Variants in MIGA2 observed in about 807,000 individuals in gnomAD.
MIGA2 encodes the protein mitoguardin 2.
A neutral mutation model predicts 69.9 loss-of-function variants in MIGA2; 36 were observed. The observed-to-expected ratio is 0.52, with a 90% CI of 0.39 to 0.68. The LOEUF is 0.68. Among genes scored for constraint, MIGA2 ranks in the 30% least tolerant of loss-of-function variants. The probability of loss-of-function intolerance (pLI) is 0.00; values close to 1 mark genes in which losing one functional copy is unlikely to be tolerated. For synonymous variants in MIGA2, 333 were observed against 349.2 expected (o/e 0.95, Z 0.52); for missense variants, 660 against 787.7 (o/e 0.84, Z 1.94).
chr9:129,044,011 G>C (rs1007595880), intron 3 of MIGA2, among the ~76,000 whole-genome samples: 11 of 131,900 alleles, frequency 8.3e-5, no homozygotes, highest in Non-Finnish European at 1.6e-4. Context: ...TTTTTTTTTT[G>C]AGACAGAGTT....
chr9:129,044,341 TA>T (rs959508029), intron 3 of MIGA2, among the ~76,000 whole-genome samples: 175 of 143,352 alleles, frequency 1.2e-3, no homozygotes, highest in South Asian at 5.5e-3. Flanking sequence ...TAACTAGTCT[TA>T]AAAAAAAAAA....
At chr9:129,050,563 G>A (rs1295459905) in intron 6 of MIGA2, among the ~76,000 whole-genome samples, 1 of 145,354 alleles carries the variant, frequency 6.9e-6, no homozygotes, top group African/African-American at 2.5e-5. Flanking sequence ...GTGAGCCATC[G>A]TACCCAGCTG....
rs1846575029 is a variant in MIGA2, at chr9:129,069,846, C to T, written c.1459-3C>T. 6.2e-7 allele frequency: 1 copy of T among 1,611,040 alleles called. No homozygotes were observed. Among genetic ancestry groups the T allele is most frequent in the Non-Finnish European group, 8.5e-7 (1 of 1,177,622 alleles). Reference sequence around the variant, plus strand: ...TGGCCCCTCAGCCTTGTGCCCACCGCAGGTGCCTGATGGCTTCATCTCCCA... The same window carrying T: ...TGGCCCCTCAGCCTTGTGCCCACCGTAGGTGCCTGATGGCTTCATCTCCCA... On this transcript the variant is annotated splice_region_variant and splice_polypyrimidine_tract_variant and intron_variant, in intron 14 of 15. Transcript: ENST00000684074. This position sits in a 1 kb window ranked among gnomAD's most constrained non-coding sequence, Gnocchi z 4.9.
intron 11 of MIGA2, among the ~76,000 whole-genome samples, chr9:129,065,867 C>T (rs79067688): frequency 0.034 from 5,234 of 152,216 alleles, 205 homozygotes; most frequent in South Asian, 0.097. Flanking sequence ...TTGGGCTCAC[C>T]GTGGCGGTGT....
intron 6 of MIGA2, among the ~76,000 whole-genome samples, chr9:129,057,482 G>A (rs1845856948): frequency 1.3e-5 from 2 of 150,736 alleles, no homozygotes; most frequent in African/African-American, 2.4e-5. Context: ...TTTAGTAGAC[G>A]GGGTTTCACC....
chr9:129,040,306 C>T (rs1362347039), intron 1 of MIGA2, 146 bp from the exon 2 acceptor site: 2 of 399,290 alleles, frequency 5.0e-6, no homozygotes, highest in Non-Finnish European at 8.2e-6. Flanking sequence ...CGGGCAGATG[C>T]AGAGGCCTGG....
chr9:129,057,481 C>T (rs1845856782), intron 6 of MIGA2, among the ~76,000 whole-genome samples: 2 of 150,808 alleles, frequency 1.3e-5, no homozygotes, highest in African/African-American at 2.4e-5. Context: ...TTTTAGTAGA[C>T]GGGGTTTCAC....
chr9:129,047,649 G>A (rs1588378620), intron 3 of MIGA2, among the ~76,000 whole-genome samples: 2 of 152,072 alleles, frequency 1.3e-5, no homozygotes, highest in East Asian at 1.9e-4. Context: ...CTGACCTCAA[G>A]TGATCCACCC....
chr9:129,043,450 A>G (rs1385142893), intron 3 of MIGA2, among the ~76,000 whole-genome samples: 1 of 147,750 alleles, frequency 6.8e-6, no homozygotes, highest in Non-Finnish European at 1.5e-5. Context: ...GCAGTGGCAC[A>G]ATCTCGGTTC....
At chr9:129,054,467 A>G (rs1050931978) in intron 6 of MIGA2, among the ~76,000 whole-genome samples, 2 of 151,738 alleles carry the variant, frequency 1.3e-5, no homozygotes, top group Admixed American at 6.6e-5. Flanking sequence ...CAACAACAAC[A>G]AAGAAACAAC....
chr9:129,049,106 G>A (rs536340253), intron 4 of MIGA2, among the ~76,000 whole-genome samples: 1 of 152,340 alleles, frequency 6.6e-6, no homozygotes, highest in Non-Finnish European at 1.5e-5. Flanking sequence ...ACAGCAGTCA[G>A]GAGCAGGGCT....
At chr9:129,065,928 C>T (rs575350293) in intron 11 of MIGA2, among the ~76,000 whole-genome samples, 2 of 152,292 alleles carry the variant, frequency 1.3e-5, no homozygotes, top group Admixed American at 6.5e-5. Context: ...CTTCCTCCCC[C>T]GTTATTCAGT....
intron 2 of MIGA2, among the ~76,000 whole-genome samples, chr9:129,041,051 T>C (rs7867379): frequency 0.16 from 24,063 of 151,696 alleles, 3,174 homozygotes; most frequent in African/African-American, 0.34. Context: ...ATTAGGCGGG[T>C]AGGCTGGGCA....
chr9:129,057,832 C>T (rs757951701), intron 6 of MIGA2, among the ~76,000 whole-genome samples: 1 of 151,858 alleles, frequency 6.6e-6, no homozygotes, highest in African/African-American at 2.4e-5. Flanking sequence ...TCTCAAACTT[C>T]TGGGCTCAAG....
At position 129,068,538 on chromosome 9, in the gene MIGA2, A is replaced by T; in HGVS notation, c.1404+206A>T. 1.7e-6 allele frequency: 1 copy of T among 599,118 alleles called. No homozygotes were observed. The highest frequency in any genetic ancestry group is 2.9e-6 in the Non-Finnish European group (1 of 344,264). 37.1% of individuals were successfully genotyped at this position (599,118 alleles called of 1,614,324 possible). A position where few individuals can be genotyped will look rare whatever the true frequency, so the allele number is the denominator to read the frequency against. On this transcript the variant is annotated intron_variant, in intron 13 of 15. Coordinates refer to ENST00000684074, the MANE Select transcript of MIGA2 (RefSeq NM_001329990.2). This position sits in a 1 kb window ranked among gnomAD's most constrained non-coding sequence, Gnocchi z 4.1. ...CTGCCTGGTGCCCCAGTTTAGAACC[A>T]ACATGGTGTGCGCTTTCTTCCTATT...
chr9:129,038,038 G>T (rs1254248595), intron 1 of MIGA2, among the ~76,000 whole-genome samples: 1 of 152,168 alleles, frequency 6.6e-6, no homozygotes, highest in Non-Finnish European at 1.5e-5. Flanking sequence ...GTAGCTGCTG[G>T]CCCTCTGATG....
chr9:129,067,638 C>T (rs1039517196), intron 11 of MIGA2, 135 bp from the exon 12 acceptor site: 2 of 751,998 alleles, frequency 2.7e-6, no homozygotes, highest in Admixed American at 5.0e-5. Context: ...GGAGACACTT[C>T]TCTGCCACGT....
chr9:129,069,713 C>G lies in MIGA2; in HGVS notation c.1459-136C>G. The G allele has an allele frequency of 5.5e-6, 4 of 728,092 alleles. No homozygotes were observed. The highest frequency in any genetic ancestry group is 1.0e-5 in the Non-Finnish European group (4 of 401,956). The allele number at this position is 728,092 out of a possible 1,614,324, so 45.1% of individuals were successfully genotyped here. ...AAATGGGCTTCGAAAGCTTGAGTCA[C>G]TGCCCAGGGTCATCTAGCAGGAAAG... On this transcript the variant is annotated intron_variant, in intron 14 of 15. Coordinates refer to ENST00000684074, the MANE Select transcript of MIGA2 (RefSeq NM_001329990.2). The surrounding 1 kb of genome is among the most constrained non-coding windows in gnomAD (Gnocchi z 4.9).
Position 129,060,706 on chromosome 9 carries a change from A to C in MIGA2, c.894+56A>C, listed in dbSNP as rs1846025078. 1 of 1,397,688 alleles carries C rather than the reference A, an allele frequency of 7.2e-7. No individual in the cohort carries two copies. Among genetic ancestry groups the C allele is most frequent in the Non-Finnish European group, 9.9e-7 (1 of 1,012,420 alleles). The allele number at this position is 1,397,688 out of a possible 1,614,324, so 86.6% of individuals were successfully genotyped here. On this transcript the variant is annotated intron_variant, in intron 8 of 15. Coordinates refer to ENST00000684074, the MANE Select transcript of MIGA2 (RefSeq NM_001329990.2). This position sits in a 1 kb window ranked among gnomAD's most constrained non-coding sequence, Gnocchi z 4.8. ...GGGGTGAAGGCTGGGCCTCCTCTGC[A>C]GGTCCATGGGGCCAGCACTGGGTCA...
Sources: gnomAD v4.1 joint callset for allele counts (sites outside exome capture counted in the v4.1 genomes callset) on GRCh38, gnomAD v4.1.1 for gene constraint, Gnocchi (gnomAD v3.1) non-coding constraint, MANE v1.5 for transcripts, NCBI Gene and HGNC (gene_info 2026-07-23, HGNC 2026-07-21) for gene names.